Variants in WNK1 observed in about 807,000 individuals in gnomAD.
The protein encoded by WNK1 is serine/threonine-protein kinase WNK1.
In WNK1, 38 loss-of-function variants were observed where a neutral mutation model predicts 222.8. The observed-to-expected ratio is 0.17, with a 90% CI of 0.13 to 0.22. The LOEUF (loss-of-function observed/expected upper bound fraction) is 0.22, where lower values mean the gene tolerates loss of function less well. Ranked by LOEUF, WNK1 falls within the 10% of genes least tolerant of loss-of-function variation. WNK1 has a pLI of 1.00. For missense variants in WNK1, 2,348 were observed against 2,918.4 expected (o/e 0.80, Z 4.50); for synonymous variants, 1,090 against 1,092.9 (o/e 1.00, Z 0.05).
Position 908,834 on chromosome 12 carries a change from G to T in WNK1, c.*42G>T. On this transcript the variant is annotated 3_prime_UTR_variant, in exon 28 of 28. Transcript: ENST00000315939. ...TGAATAGATCTGGGGGCAGGAGATG[G>T]AATGCTGAGGGGGTGGGTGGGGGTG... 2 of 501,444 alleles carry T rather than the reference G, an allele frequency of 4.0e-6. No individual in the cohort carries two copies. Among genetic ancestry groups the T allele is most frequent in the Non-Finnish European group, 7.7e-6 (2 of 260,644 alleles). 31.1% of individuals were successfully genotyped at this position (501,444 alleles called of 1,614,324 possible). A position where few individuals can be genotyped will look rare whatever the true frequency, so the allele number is the denominator to read the frequency against.
At chr12:863,886 G>C (rs552856348) in intron 8 of WNK1, among the ~76,000 whole-genome samples, 1 of 152,052 alleles carries the variant, frequency 6.6e-6, no homozygotes. Flanking sequence ...ATCAAAACAG[G>C]AATGAAACTA....
chr12:889,530 T>A (rs1953997626), intron 21 of WNK1, among the ~76,000 whole-genome samples: 1 of 152,188 alleles, frequency 6.6e-6, no homozygotes, highest in Non-Finnish European at 1.5e-5. Flanking sequence ...GATAAAATAA[T>A]GTTTTGGGCT....
intron 25 of WNK1, among the ~76,000 whole-genome samples, chr12:899,356 A>G (rs995338207): frequency 2.0e-5 from 3 of 151,614 alleles, no homozygotes; most frequent in Non-Finnish European, 4.4e-5. Flanking sequence ...TCAACCTCCA[A>G]CTCCCAGGTT....
At chr12:875,125 A>T (rs549800011) in intron 9 of WNK1, among the ~76,000 whole-genome samples, 2 of 152,336 alleles carry the variant, frequency 1.3e-5, no homozygotes, top group Admixed American at 1.3e-4. Context: ...TAACTAGAGC[A>T]TAGATATGTG....
rs774909645 is a variant in WNK1, at chr12:879,717, C to T, written c.2518C>T (p.Pro840Ser). The change falls in exon 11 of 28, where the codon CCT becomes TCT. Residue 840 changes from proline to serine, a missense_variant. Transcript: ENST00000315939. ...CCCTACTCCCTTGCTCCCTCAGTACCCTGTCTCTCAGATTCCCATATCAAC... is the reference window on the plus strand; with the variant it reads ...CCCTACTCCCTTGCTCCCTCAGTACTCTGTCTCTCAGATTCCCATATCAAC... Reference protein sequence around the residue: ...PLPTPLLPQYPVSQIPISTPH... With the variant: ...PLPTPLLPQYSVSQIPISTPH... The T allele has an allele frequency of 5.6e-6, 9 of 1,613,906 alleles. No individual in the cohort carries two copies. Among genetic ancestry groups the T allele is most frequent in the Non-Finnish European group, 5.9e-6 (7 of 1,179,984 alleles).
chr12:780,283 A>T (rs2153966527), intron 1 of WNK1, among the ~76,000 whole-genome samples: 1 of 152,334 alleles, frequency 6.6e-6, no homozygotes, highest in South Asian at 2.1e-4. Flanking sequence ...GTTTTGAATG[A>T]TAACCGTTAA....
Position 774,205 on chromosome 12 carries a change from T to TAAGA in WNK1, c.759+19881_759+19882insAAGA, listed in dbSNP as rs1333460026. ...AGAGAATATTGGGTAATAGGATCTT[T>TAAGA]GCACAATTTTCCGAAGGAAAGTTTT... On this transcript the variant is annotated intron_variant, in intron 1 of 27. Transcript: ENST00000315939. Among the ~76,000 whole-genome samples, 58 of 152,352 alleles carry TAAGA rather than the reference T, an allele frequency of 3.8e-4. 1 individual carries two copies. The highest frequency in any genetic ancestry group is 1.4e-3 in the African/African-American group (57 of 41,586).
In WNK1 at chr12:829,757, A is replaced by G. The variant is rs1475901446; in HGVS notation, c.1154-246A>G. Reference sequence around the variant, plus strand: ...TAAAGAAATTCATTTTACACAGTAAATCAATAAATAGATCCTTGACCTTAT... The same window carrying G: ...TAAAGAAATTCATTTTACACAGTAAGTCAATAAATAGATCCTTGACCTTAT... On this transcript the variant is annotated intron_variant, in intron 3 of 27. Coordinates refer to ENST00000315939, the MANE Select transcript of WNK1 (RefSeq NM_018979.4). 2.0e-5 allele frequency among the ~76,000 whole-genome samples: 3 copies of G among 152,242 alleles called. No individual in the cohort carries two copies. In the East Asian group the frequency reaches 5.8e-4, roughly 29 times the overall value.
chr12:880,625 T>A (rs562496374), intron 11 of WNK1, 96 bp from the exon 12 acceptor site: 163 of 1,297,328 alleles, frequency 1.3e-4, no homozygotes, highest in Non-Finnish European at 1.5e-4. Context: ...TCTTCTTTGC[T>A]GTGTGCTTCT....
intron 1 of WNK1, among the ~76,000 whole-genome samples, chr12:758,040 A>G (rs1940423316): frequency 6.2e-5 from 2 of 32,360 alleles, no homozygotes; most frequent in South Asian, 2.6e-3. Flanking sequence ...GTCTCTAAAA[A>G]AAAAAAAAAA....
intron 4 of WNK1, among the ~76,000 whole-genome samples, chr12:847,504 G>T (rs970831392): frequency 6.6e-6 from 1 of 152,134 alleles, no homozygotes; most frequent in Non-Finnish European, 1.5e-5. Flanking sequence ...TAACCAGTTT[G>T]ACTGAACTTA....
intron 1 of WNK1, among the ~76,000 whole-genome samples, chr12:784,729 A>G (rs1944098702): frequency 6.6e-6 from 1 of 152,138 alleles, no homozygotes; most frequent in Non-Finnish European, 1.5e-5. Context: ...CCTCTCTTAA[A>G]CTTCTAAACT....
At chr12:754,964 G>T (rs1180882074) in intron 1 of WNK1, among the ~76,000 whole-genome samples, 1 of 152,176 alleles carries the variant, frequency 6.6e-6, no homozygotes, top group East Asian at 1.9e-4. Flanking sequence ...GAATAGTATA[G>T]GAGCCCATGC....
At chr12:862,522 T>G (rs1314629916) in intron 8 of WNK1, among the ~76,000 whole-genome samples, 2 of 152,224 alleles carry the variant, frequency 1.3e-5, no homozygotes, top group African/African-American at 4.8e-5. Flanking sequence ...AACGCTCTCT[T>G]TAGCACTTAA....
rs1352727163 is a variant in WNK1 at position 896,435 on chromosome 12, A to G, written c.5948A>G (p.Asp1983Gly). Reference sequence around the variant, plus strand: ...CCAGTGGCATCTCCTCCTTTTATGGATTTGGAACAAGCTGTTCTTCCTGCT... The same window carrying G: ...CCAGTGGCATCTCCTCCTTTTATGGGTTTGGAACAAGCTGTTCTTCCTGCT... ...EGPVASPPFM[D>G]LEQAVLPAVI... The change falls in exon 24 of 28, where the codon GAT becomes GGT. Residue 1983 changes from aspartate to glycine, a missense_variant. Transcript: ENST00000315939. 6.2e-7 allele frequency: 1 copy of G among 1,613,934 alleles called. No homozygotes were observed. Among genetic ancestry groups the G allele is most frequent in the African/African-American group, 1.3e-5 (1 of 74,876 alleles).
intron 26 of WNK1, chr12:906,271 C>T: frequency 1.0e-6 from 1 of 975,346 alleles, no homozygotes; most frequent in Non-Finnish European, 1.2e-6. Context: ...GACCATGACT[C>T]TTCTTTCCCT....
At chr12:869,680 T>G (rs1263944991) in intron 8 of WNK1, among the ~76,000 whole-genome samples, 1 of 152,122 alleles carries the variant, frequency 6.6e-6, no homozygotes. Flanking sequence ...CCTTAACAAA[T>G]GAAAATGCCT....
intron 1 of WNK1, among the ~76,000 whole-genome samples, chr12:758,403 C>T (rs1464488800): frequency 6.6e-5 from 3 of 45,212 alleles, no homozygotes; most frequent in South Asian, 7.7e-4. Context: ...TTTTTTGAGA[C>T]GGAGTCTCGC....
chr12:844,504 A>G (rs1949875139), intron 4 of WNK1, among the ~76,000 whole-genome samples: 2 of 152,192 alleles, frequency 1.3e-5, no homozygotes, highest in Admixed American at 1.3e-4. Flanking sequence ...AAAAACTTGA[A>G]GAGTAAGTCC....
Sources: allele counts gnomAD v4.1 joint callset (sites outside exome capture counted in the v4.1 genomes callset), GRCh38; gene constraint gnomAD v4.1.1; transcripts MANE v1.5; gene names NCBI Gene and HGNC (gene_info 2026-07-23, HGNC 2026-07-21).